PLCG2: variants seen among roughly 807,000 people sequenced by gnomAD.
PLCG2 encodes the protein phospholipase C gamma 2, also known as 1-phosphatidylinositol 4,5-bisphosphate phosphodiesterase gamma-2.
PLCG2 carries 69 observed loss-of-function variants against 175.6 expected under a neutral mutation model. The observed-to-expected ratio is 0.39, with a 90% CI of 0.32 to 0.48. PLCG2 has a LOEUF of 0.48. Ranked by LOEUF, PLCG2 falls within the 20% of genes least tolerant of loss-of-function variation. PLCG2 has a pLI of 0.91. For missense variants in PLCG2, 1,798 were observed against 1,650.9 expected (o/e 1.09, Z -1.54); for synonymous variants, 827 against 624.0 (o/e 1.33, Z -4.85).
intron 14 of PLCG2, among the ~76,000 whole-genome samples, chr16:81,903,986 T>C (rs1458007809): frequency 6.6e-6 from 1 of 152,170 alleles, no homozygotes; most frequent in Non-Finnish European, 1.5e-5. Context: ...TCTTATTCAG[T>C]CTTGTCAAGA....
intron 1 of PLCG2, among the ~76,000 whole-genome samples, chr16:81,752,351 C>G (rs1909829899): frequency 6.6e-6 from 1 of 152,236 alleles, no homozygotes; most frequent in South Asian, 2.1e-4. Context: ...AGCTCCTCCA[C>G]TCTGCCTGAC....
chr16:81,876,219 C>T (rs113857166), intron 7 of PLCG2, among the ~76,000 whole-genome samples: 3 of 151,942 alleles, frequency 2.0e-5, no homozygotes, highest in Admixed American at 6.6e-5. Flanking sequence ...GAGACAGTTT[C>T]ACCATGTTAC....
chr16:81,875,310 G>T (rs1394869654), intron 7 of PLCG2, among the ~76,000 whole-genome samples: 5 of 152,034 alleles, frequency 3.3e-5, no homozygotes, highest in Non-Finnish European at 7.4e-5. Context: ...AGAGGCCTGT[G>T]CAAGAGCTAC....
At chr16:81,748,507 G>A (rs1431294609) in intron 1 of PLCG2, among the ~76,000 whole-genome samples, 1 of 152,188 alleles carries the variant, frequency 6.6e-6, no homozygotes, top group Non-Finnish European at 1.5e-5. Flanking sequence ...ACACAAGAAA[G>A]AGGTGACTAA....
chr16:81,938,033 G>C (rs193015498), intron 28 of PLCG2, 130 bp downstream of exon 28: 1 of 767,104 alleles, frequency 1.3e-6, no homozygotes, highest in Admixed American at 2.8e-5. Flanking sequence ...TCCCCATTCA[G>C]GCAGTGTTTG....
intron 2 of PLCG2, among the ~76,000 whole-genome samples, chr16:81,819,213 G>T (rs578103502): frequency 6.6e-6 from 1 of 152,264 alleles, no homozygotes; most frequent in African/African-American, 2.4e-5. Context: ...TTCTAGAGAT[G>T]GATGTGGTGG....
chr16:81,869,929 G>A (rs1288215256), intron 6 of PLCG2, among the ~76,000 whole-genome samples: 1 of 152,158 alleles, frequency 6.6e-6, no homozygotes, highest in African/African-American at 2.4e-5. Context: ...TAGGAAATGA[G>A]CAACCCTGCA....
intron 7 of PLCG2, among the ~76,000 whole-genome samples, chr16:81,874,494 G>A (rs1438975547): frequency 6.6e-6 from 1 of 152,190 alleles, no homozygotes; most frequent in Admixed American, 6.5e-5. Flanking sequence ...TGTTGTGTAG[G>A]TAAATGCCCA....
intron 25 of PLCG2, among the ~76,000 whole-genome samples, chr16:81,933,584 T>G (rs920254663): frequency 6.6e-6 from 1 of 152,026 alleles, no homozygotes; most frequent in African/African-American, 2.4e-5. Context: ...TTGTTTTTTT[T>G]TTTTGAGACA....
intron 13 of PLCG2, chr16:81,898,023 A>T (rs376024516): frequency 2.8e-6 from 1 of 354,502 alleles, no homozygotes; most frequent in South Asian, 2.0e-5. Flanking sequence ...CTAAGTGCCA[A>T]CCTCCATCAG....
At chr16:81,820,663 C>T (rs1405700962) in intron 2 of PLCG2, among the ~76,000 whole-genome samples, 2 of 151,994 alleles carry the variant, frequency 1.3e-5, no homozygotes, top group Non-Finnish European at 2.9e-5. Flanking sequence ...CTCTATTACC[C>T]AGGCTGGAGT....
chr16:81,822,761 C>CAAAAAAAAAAAAAAAAAAAAAAAAAA (rs59970301), intron 2 of PLCG2, among the ~76,000 whole-genome samples: 1 of 69,844 alleles, frequency 1.4e-5, no homozygotes, highest in Non-Finnish European at 2.4e-5. Context: ...GACTCCATCT[C>CAAAAAAAAAAAAAAAAAAAAAAAAAA]AAAAAAAAAA....
At chr16:81,949,954 CTG>C (rs576974029) in intron 31 of PLCG2, among the ~76,000 whole-genome samples, 7 of 152,242 alleles carry the variant, frequency 4.6e-5, no homozygotes, top group African/African-American at 1.7e-4. Context: ...TTAAAGGAAA[CTG>C]TGATTTTAGT....
intron 2 of PLCG2, among the ~76,000 whole-genome samples, chr16:81,822,574 T>G (rs192871084): frequency 6.6e-6 from 1 of 151,976 alleles, no homozygotes; most frequent in East Asian, 1.9e-4. Context: ...CTGGCCAATA[T>G]GGCGAAACCC....
At chr16:81,745,939 C>T (rs1002370636) in intron 1 of PLCG2, among the ~76,000 whole-genome samples, 25 of 152,156 alleles carry the variant, frequency 1.6e-4, no homozygotes, top group African/African-American at 5.3e-4. Flanking sequence ...TCTGTAGGGG[C>T]GAGACTAGCC....
In PLCG2 at chr16:81,824,346, C is replaced by T. The variant is rs79390187; in HGVS notation, c.194-30098C>T. Among the ~76,000 whole-genome samples, 863 of 152,282 alleles carry T rather than the reference C, an allele frequency of 5.7e-3. 4 individuals are homozygous for T. The highest frequency in any genetic ancestry group is 0.02 in the Admixed American group (311 of 15,298). On this transcript the variant is annotated intron_variant, in intron 2 of 32. Coordinates refer to ENST00000564138, the MANE Select transcript of PLCG2 (RefSeq NM_002661.5). ...ACAAGGTTTCACCACGTTGGCCAGG[C>T]TGGTCTTGAACTCCTGATCTTAAGT...
chr16:81,769,899 C>G, intron 2 of PLCG2, among the ~76,000 whole-genome samples: 1 of 151,744 alleles, frequency 6.6e-6, no homozygotes. Flanking sequence ...GTGTTTCACA[C>G]CTGCCGGTCG....
At chr16:81,941,152 CT>C (rs965887082) in intron 30 of PLCG2, among the ~76,000 whole-genome samples, 5 of 152,184 alleles carry the variant, frequency 3.3e-5, no homozygotes, top group African/African-American at 1.2e-4. Context: ...CAACTTCCAC[CT>C]TTTTTTGTAT....
chr16:81,872,327 C>A (rs1375905782), intron 7 of PLCG2, among the ~76,000 whole-genome samples: 1 of 152,150 alleles, frequency 6.6e-6, no homozygotes, highest in Non-Finnish European at 1.5e-5. Context: ...GACTCCATCT[C>A]AAAACAAACA....
Sources: gnomAD v4.1 joint callset for allele counts (sites outside exome capture counted in the v4.1 genomes callset) on GRCh38, gnomAD v4.1.1 for gene constraint, MANE v1.5 for transcripts, NCBI Gene and HGNC (gene_info 2026-07-23, HGNC 2026-07-21) for gene names.